LRMDA: variants seen among roughly 807,000 people sequenced by gnomAD.
LRMDA encodes leucine rich melanocyte differentiation associated, also known as leucine-rich melanocyte differentiation-associated protein.
Under a neutral mutation model 29.8 loss-of-function variants are expected in LRMDA, and 18 were observed. The ratio of observed to expected loss-of-function variants is 0.60; its 90% confidence interval spans 0.42 to 0.90. The LOEUF is 0.90. LRMDA is among the 40% of genes least tolerant of loss of function. LRMDA has a pLI of 0.00. For synonymous variants in LRMDA, 125 were observed against 109.4 expected (o/e 1.14, Z -0.89); for missense variants, 273 against 273.9 (o/e 1.00, Z 0.02).
chr10:76,109,097 T>G (rs1292946275), intron 5 of LRMDA, among the ~76,000 whole-genome samples: 1 of 152,076 alleles, frequency 6.6e-6, no homozygotes, highest in Non-Finnish European at 1.5e-5. Flanking sequence ...CGCTGAGAGG[T>G]CATGACCTCC....
intron 5 of LRMDA, among the ~76,000 whole-genome samples, chr10:76,300,104 C>A (rs1308120646): frequency 6.6e-6 from 1 of 152,098 alleles, no homozygotes; most frequent in East Asian, 1.9e-4. Flanking sequence ...TGAGAATAAA[C>A]CAAACAATTG....
rs568703584 is a variant in LRMDA at position 75,477,018 on chromosome 10, TCTC to T, written c.131+38527_131+38529del. 2.8e-4 allele frequency among the ~76,000 whole-genome samples: 43 copies of T among 151,586 alleles called. 1 individual carries two copies. The South Asian group carries it at 8.4e-3, about 30-fold the overall frequency. ...CTCTTTTTTTTTTTTGGAGGCATGA[TCTC>T]CTTCTATCTCTCAGGCTGGAGTACA... On this transcript the variant is annotated intron_variant, in intron 2 of 6. Transcript: ENST00000611255.
chr10:75,787,631 T>A (rs931546466), intron 2 of LRMDA, among the ~76,000 whole-genome samples: 3 of 152,236 alleles, frequency 2.0e-5, no homozygotes, highest in Non-Finnish European at 4.4e-5. Flanking sequence ...CTTTTAAATT[T>A]TGTAAACAAT....
Position 75,498,918 on chromosome 10 carries a change from A to G in LRMDA, c.131+60424A>G, listed in dbSNP as rs138831916. On this transcript the variant is annotated intron_variant, in intron 2 of 6. Transcript: ENST00000611255. ...GGGGGAGTGAGTTGGTTTTGGGAGG[A>G]TGAACTGGAGGAGACGCTGTGGGTG... Among the ~76,000 whole-genome samples the G allele has an allele frequency of 2.5e-3, 383 of 152,116 alleles. 4 individuals are homozygous for G. Among genetic ancestry groups the G allele is most frequent in the African/African-American group, 8.6e-3 (356 of 41,482 alleles).
intron 3 of LRMDA, among the ~76,000 whole-genome samples, chr10:76,039,021 C>A (rs561134384): frequency 3.3e-4 from 51 of 152,262 alleles, no homozygotes; most frequent in African/African-American, 1.2e-3. Flanking sequence ...GCTAAACTAC[C>A]TGTCTCTTAA....
rs552414052 is a variant in LRMDA at position 76,392,206 on chromosome 10, C to T, written c.601+67721C>T. On this transcript the variant is annotated intron_variant, in intron 6 of 6. Coordinates refer to ENST00000611255, the MANE Select transcript of LRMDA (RefSeq NM_001305581.2). ...TGTAGCTTAGTCTCCAATATTATCT[C>T]GGTAATCCCATCTTCATTCACAGTG... Among the ~76,000 whole-genome samples, 95 of 152,124 alleles carry T rather than the reference C, an allele frequency of 6.2e-4. 1 individual carries two copies. The South Asian group carries it at 0.017, about 28-fold the overall frequency.
intron 2 of LRMDA, among the ~76,000 whole-genome samples, chr10:75,530,137 G>A (rs924722737): frequency 2.0e-5 from 3 of 151,084 alleles, no homozygotes; most frequent in Non-Finnish European, 2.9e-5. Flanking sequence ...ATAAAACTTT[G>A]TAAAAAAAAT....
intron 2 of LRMDA, among the ~76,000 whole-genome samples, chr10:75,584,196 C>T (rs77364384): frequency 9.2e-4 from 140 of 152,246 alleles, no homozygotes; most frequent in Middle Eastern, 3.4e-3. Context: ...TGTGCTTTTA[C>T]TCATGATGTT....
intron 2 of LRMDA, among the ~76,000 whole-genome samples, chr10:75,824,978 A>T (rs1909694): frequency 6.6e-6 from 1 of 152,172 alleles, no homozygotes. Flanking sequence ...TAGACCCAAG[A>T]GGTTTCATCA....
intron 2 of LRMDA, among the ~76,000 whole-genome samples, chr10:75,631,682 C>T (rs1170695088): frequency 6.6e-6 from 1 of 152,178 alleles, no homozygotes; most frequent in Non-Finnish European, 1.5e-5. Flanking sequence ...GCCTTGACAT[C>T]ACTGGCCATC....
intron 3 of LRMDA, among the ~76,000 whole-genome samples, chr10:76,037,362 A>G (rs755765233): frequency 1.1e-4 from 16 of 152,252 alleles, no homozygotes; most frequent in African/African-American, 3.4e-4. Flanking sequence ...GAGACAAGGC[A>G]TTTTCCTCTA....
At chr10:76,324,718 AT>A (rs150134041) in intron 6 of LRMDA, among the ~76,000 whole-genome samples, 3,060 of 151,648 alleles carry the variant, frequency 0.02, 103 homozygotes, top group African/African-American at 0.069. Flanking sequence ...TAATTTTGTG[AT>A]TTTTTTTTCT....
intron 6 of LRMDA, among the ~76,000 whole-genome samples, chr10:76,424,486 C>A (rs937977143): frequency 6.6e-6 from 1 of 152,090 alleles, no homozygotes; most frequent in African/African-American, 2.4e-5. Flanking sequence ...TTGCAGTGAG[C>A]CAAGATCGTG....
intron 2 of LRMDA, among the ~76,000 whole-genome samples, chr10:75,509,763 T>C (rs1340913821): frequency 6.6e-6 from 1 of 152,184 alleles, no homozygotes; most frequent in Non-Finnish European, 1.5e-5. Flanking sequence ...GGCCTCAGTT[T>C]CTCTATCTGC....
intron 2 of LRMDA, among the ~76,000 whole-genome samples, chr10:75,730,488 C>T (rs1842683341): frequency 6.6e-6 from 1 of 152,152 alleles, no homozygotes; most frequent in Admixed American, 6.6e-5. Context: ...GTCAGATTTC[C>T]CAGCTTACTG....
intron 2 of LRMDA, among the ~76,000 whole-genome samples, chr10:75,671,735 A>G (rs1281771953): frequency 6.6e-6 from 1 of 151,288 alleles, no homozygotes; most frequent in Non-Finnish European, 1.5e-5. Context: ...GTGTATACCT[A>G]TGTAACAAAC....
At chr10:75,453,453 C>T (rs1844481848) in intron 2 of LRMDA, among the ~76,000 whole-genome samples, 2 of 152,168 alleles carry the variant, frequency 1.3e-5, no homozygotes, top group South Asian at 2.1e-4. Flanking sequence ...TGTCCCCGTA[C>T]TGCTAAAGAA....
chr10:76,493,373 A>C (rs1842852357), intron 6 of LRMDA, among the ~76,000 whole-genome samples: 1 of 151,982 alleles, frequency 6.6e-6, no homozygotes, highest in Non-Finnish European at 1.5e-5. Flanking sequence ...GAATGCTGCC[A>C]GGCCTGGGAC....
intron 6 of LRMDA, among the ~76,000 whole-genome samples, chr10:76,471,658 T>G (rs1191034553): frequency 6.6e-6 from 1 of 151,732 alleles, no homozygotes; most frequent in Non-Finnish European, 1.5e-5. Flanking sequence ...AAAATCCAAC[T>G]ATAGGTTGTT....
Sources: gnomAD v4.1 joint callset for allele counts (sites outside exome capture counted in the v4.1 genomes callset) on GRCh38, gnomAD v4.1.1 for gene constraint, MANE v1.5 for transcripts, NCBI Gene and HGNC (gene_info 2026-07-23, HGNC 2026-07-21) for gene names.